Variants in OR3A2 observed in about 807,000 individuals in gnomAD.
OR3A2 encodes olfactory receptor 3A2.
For missense variants in OR3A2, 318 were observed against 392.8 expected (o/e 0.81, Z 1.61); for synonymous variants, 126 against 159.3 (o/e 0.79, Z 1.57).
intron 2 of OR3A2, among the ~76,000 whole-genome samples, chr17:3,377,886 G>A (rs916601899): frequency 5.3e-5 from 8 of 152,238 alleles, no homozygotes; most frequent in South Asian, 4.1e-4. Flanking sequence ...CTATTTATCA[G>A]TTTCTAAGAA....
intron 2 of OR3A2, among the ~76,000 whole-genome samples, chr17:3,371,761 G>A (rs2049626146): frequency 1.4e-5 from 2 of 139,450 alleles, no homozygotes; most frequent in Non-Finnish European, 3.1e-5. Context: ...TCACTTCCCA[G>A]TAGGGGCGGC....
At chr17:3,347,388 TCCCCTC>T in intron 2 of OR3A2, among the ~76,000 whole-genome samples, 1 of 152,082 alleles carries the variant, frequency 6.6e-6, no homozygotes, top group Non-Finnish European at 1.5e-5. Flanking sequence ...ATGCTATCCC[TCCCCTC>T]TCCCCCGGCC....
At chr17:3,375,139 CTTTTTTTTTTTTTT>C (rs552615698) in intron 2 of OR3A2, among the ~76,000 whole-genome samples, 6 of 28,720 alleles carry the variant, frequency 2.1e-4, no homozygotes, top group South Asian at 1.9e-3. Flanking sequence ...AGCCTTCTTC[CTTTTTTTTTTTTTT>C]TTTTTTTTTT....
At chr17:3,292,434 G>T (rs749896963) in intron 3 of OR3A2, 1 of 1,614,002 alleles carries the variant, frequency 6.2e-7, no homozygotes, top group Admixed American at 1.7e-5. Context: ...CAAGACAGCT[G>T]CCAGGATGCT....
chr17:3,380,769 T>C (rs1402502338), intron 2 of OR3A2, among the ~76,000 whole-genome samples: 4 of 152,002 alleles, frequency 2.6e-5, no homozygotes, highest in Admixed American at 6.6e-5. Flanking sequence ...ATTTAAGGAA[T>C]TGGATAGAAA....
chr17:3,362,328 T>C (rs2049525807), intron 2 of OR3A2, among the ~76,000 whole-genome samples: 1 of 151,786 alleles, frequency 6.6e-6, no homozygotes, highest in Admixed American at 6.6e-5. Context: ...TTAGTCTTGC[T>C]AGCAGTCTAT....
rs148768371 is a variant in OR3A2, at chr17:3,292,449, T to C, written c.-84-13296A>G. On this transcript the variant is annotated intron_variant, in intron 3 of 4. Transcript: ENST00000573491. ...CAAGACAGCTGCCAGGATGCTGAGG[T>C]TGCCCCTGACCGTGACCAGGTAGGC... 1.0e-4 allele frequency: 163 copies of C among 1,607,558 alleles called. No individual in the cohort carries two copies. In the African/African-American group the frequency reaches 1.8e-3, roughly 18 times the overall value.
At chr17:3,333,935 G>T (rs2049258926) in intron 3 of OR3A2, among the ~76,000 whole-genome samples, 1 of 152,076 alleles carries the variant, frequency 6.6e-6, no homozygotes, top group South Asian at 2.1e-4. Flanking sequence ...CCATCAAAAA[G>T]TGGGCAAAGG....
intron 3 of OR3A2, among the ~76,000 whole-genome samples, chr17:3,332,602 G>A (rs879498072): frequency 3.9e-5 from 6 of 152,184 alleles, no homozygotes; most frequent in Non-Finnish European, 7.4e-5. Flanking sequence ...CCACTGTCTG[G>A]CACTCCCTAG....
chr17:3,351,887 C>T lies in OR3A2; in HGVS notation c.-178-15761G>A, dbSNP rs1023234825. ...CCTCAGAAATAACACCGCATATCTA[C>T]AACTATCTGATCTTTGACAAACCTG... On this transcript the variant is annotated intron_variant, in intron 2 of 4. Coordinates refer to the OR3A2 transcript ENST00000573491. 5.3e-5 allele frequency among the ~76,000 whole-genome samples: 8 copies of T among 152,046 alleles called. No individual in the cohort carries two copies. The East Asian group carries it at 7.8e-4, about 15-fold the overall frequency.
At chr17:3,309,511 G>A (rs1194102456) in intron 3 of OR3A2, among the ~76,000 whole-genome samples, 1 of 152,072 alleles carries the variant, frequency 6.6e-6, no homozygotes, top group Non-Finnish European at 1.5e-5. Context: ...AAACCCACCT[G>A]GGAGCCTAAG....
At chr17:3,343,820 C>T (rs2049340846) in intron 2 of OR3A2, among the ~76,000 whole-genome samples, 2 of 152,068 alleles carry the variant, frequency 1.3e-5, no homozygotes, top group Admixed American at 6.6e-5. Context: ...CTGACGTAGC[C>T]CACATGCTTT....
chr17:3,342,489 T>C (rs972114621), intron 2 of OR3A2, among the ~76,000 whole-genome samples: 2 of 152,238 alleles, frequency 1.3e-5, no homozygotes, highest in Non-Finnish European at 1.5e-5. Context: ...ATGCTATTCC[T>C]TTCTGTTGTT....
intron 3 of OR3A2, among the ~76,000 whole-genome samples, chr17:3,335,028 T>C (rs1412091883): frequency 6.6e-6 from 1 of 152,198 alleles, no homozygotes; most frequent in Non-Finnish European, 1.5e-5. Context: ...TCATTGCTAA[T>C]TTGAGAGGCA....
chr17:3,357,528 G>A (rs1342247328), intron 2 of OR3A2, among the ~76,000 whole-genome samples: 1 of 151,498 alleles, frequency 6.6e-6, no homozygotes, highest in African/African-American at 2.4e-5. Flanking sequence ...AAGAGACAAG[G>A]TAGAATGGTG....
At chr17:3,323,950 T>G (rs985854633) in intron 3 of OR3A2, among the ~76,000 whole-genome samples, 1 of 152,142 alleles carries the variant, frequency 6.6e-6, no homozygotes, top group African/African-American at 2.4e-5. Flanking sequence ...TCCTGCACAG[T>G]GTTTTCCAAC....
intron 2 of OR3A2, among the ~76,000 whole-genome samples, chr17:3,374,357 G>A (rs1306750067): frequency 6.6e-6 from 1 of 152,158 alleles, no homozygotes; most frequent in East Asian, 1.9e-4. Context: ...AGTAAGACCA[G>A]GGGAGGTTTC....
chr17:3,279,471 G>A (rs1295101616), intron 1 of OR3A2, among the ~76,000 whole-genome samples: 1 of 152,186 alleles, frequency 6.6e-6, no homozygotes, highest in Non-Finnish European at 1.5e-5. Flanking sequence ...TTTCAAAATA[G>A]AAATCCAGAG....
chr17:3,338,371 C>T (rs1185327146), intron 2 of OR3A2, among the ~76,000 whole-genome samples: 3 of 152,048 alleles, frequency 2.0e-5, no homozygotes, highest in East Asian at 3.8e-4. Context: ...AATGCTATTG[C>T]CTAGGTTTTC....
Sources: gnomAD v4.1 joint callset for allele counts (sites outside exome capture counted in the v4.1 genomes callset) on GRCh38, gnomAD v4.1.1 for gene constraint, MANE v1.5 for transcripts, NCBI Gene and HGNC (gene_info 2026-07-23, HGNC 2026-07-21) for gene names.